Variants in AREL1 observed in about 807,000 individuals in gnomAD.
AREL1 encodes the protein apoptosis-resistant E3 ubiquitin protein ligase 1.
Under a neutral mutation model 99.0 loss-of-function variants are expected in AREL1, and 62 were observed. That is an observed-to-expected ratio of 0.63 (90% CI 0.51 to 0.77). The LOEUF is 0.77. AREL1 is among the 30% of genes least tolerant of loss of function. AREL1 has a pLI of 0.00. For synonymous variants in AREL1, 380 were observed against 376.5 expected, an observed-to-expected ratio of 1.01 and a Z score of -0.11; for missense variants, 879 against 1,027.6, an observed-to-expected ratio of 0.86 and a Z score of 1.98.
At chr14:74,694,990 GAAAAAAAA>G (rs548884827) in intron 1 of AREL1, among the ~76,000 whole-genome samples, 1 of 82,838 alleles carries the variant, frequency 1.2e-5, no homozygotes. Context: ...CTCTGTCTCG[GAAAAAAAA>G]AAAAAAAAAA....
At chr14:74,696,176 T>G (rs2089975861) in intron 1 of AREL1, among the ~76,000 whole-genome samples, 2 of 152,152 alleles carry the variant, frequency 1.3e-5, no homozygotes, top group East Asian at 3.8e-4. Flanking sequence ...CAATTCCAGG[T>G]GTAGAGGTCT....
In AREL1 at chr14:74,662,947, C is replaced by G; in HGVS notation, c.*773G>C. ...CAGTAGTCTCCAAGCCAGCCATATG[C>G]CTAGGCATGCCCCACTCTGGAGGCT... On this transcript the variant is annotated 3_prime_UTR_variant, in exon 20 of 20. Coordinates refer to ENST00000356357, the MANE Select transcript of AREL1 (RefSeq NM_001039479.2). The G allele has an allele frequency of 3.9e-6, 1 of 253,240 alleles. No individual in the cohort carries two copies. The highest frequency in any genetic ancestry group is 7.5e-6 in the Non-Finnish European group (1 of 133,626). 15.7% of individuals were successfully genotyped at this position (253,240 alleles called of 1,614,324 possible).
chr14:74,705,219 A>T (rs1424398956), intron 1 of AREL1, among the ~76,000 whole-genome samples: 1 of 152,092 alleles, frequency 6.6e-6, no homozygotes, highest in East Asian at 1.9e-4. Context: ...TTGTATTTTT[A>T]GTAGAGACGG....
At chr14:74,707,178 G>T (rs894037429) in intron 1 of AREL1, among the ~76,000 whole-genome samples, 1 of 151,164 alleles carries the variant, frequency 6.6e-6, no homozygotes, top group South Asian at 2.1e-4. Context: ...GACCAGCCTG[G>T]CCAACATGGT....
intron 11 of AREL1, 89 bp downstream of exon 11, chr14:74,672,742 A>G: frequency 2.6e-6 from 4 of 1,550,570 alleles, no homozygotes; most frequent in Non-Finnish European, 3.5e-6. Context: ...CTCCCAAACA[A>G]AAACAAAAAC....
At position 74,663,266 on chromosome 14, in the gene AREL1, C is replaced by G. The variant is rs1481433641; in HGVS notation, c.*454G>C. 4.4e-6 allele frequency: 1 copy of G among 226,796 alleles called. No individual in the cohort carries two copies. The highest frequency in any genetic ancestry group is 9.0e-6 in the Non-Finnish European group (1 of 111,620). The allele number at this position is 226,796 out of a possible 1,614,324, so 14.0% of individuals were successfully genotyped here. A position where few individuals can be genotyped will look rare whatever the true frequency, so the allele number is the denominator to read the frequency against. On this transcript the variant is annotated 3_prime_UTR_variant, in exon 20 of 20. Coordinates refer to ENST00000356357, the MANE Select transcript of AREL1 (RefSeq NM_001039479.2). ...TCCTGATGAGAAGAGGCAATCACCC[C>G]ACCCATGAGAAGGACTCAAGTACCA...
intron 17 of AREL1, among the ~76,000 whole-genome samples, chr14:74,665,412 C>T (rs189079961): frequency 6.3e-4 from 96 of 152,014 alleles, no homozygotes; most frequent in African/African-American, 2.2e-3. Flanking sequence ...CTGATGAACA[C>T]CCTAAGAACT....
rs115688018 is a variant in AREL1, at chr14:74,706,854, G to A, written c.-334+6079C>T. On this transcript the variant is annotated intron_variant, in intron 1 of 19. Coordinates refer to ENST00000356357, the MANE Select transcript of AREL1 (RefSeq NM_001039479.2). ...ATACCTTAATCAAGATCAGCTCTTA[G>A]CTTCTCAGGAAAGTTCACATCACCC... Among the ~76,000 whole-genome samples the A allele has an allele frequency of 2.1e-3, 326 of 152,260 alleles. 2 individuals are homozygous for A. Among genetic ancestry groups the A allele is most frequent in the African/African-American group, 7.3e-3 (302 of 41,560 alleles).
intron 1 of AREL1, among the ~76,000 whole-genome samples, chr14:74,704,045 C>T (rs1317741309): frequency 6.6e-6 from 1 of 152,164 alleles, no homozygotes; most frequent in Non-Finnish European, 1.5e-5. Context: ...TGGTATCTCA[C>T]TGTGATTTTA....
Position 74,676,273 on chromosome 14 carries a change from C to T in AREL1, c.700G>A (p.Val234Ile), listed in dbSNP as rs1409978745. 1.2e-6 allele frequency: 2 copies of T among 1,614,034 alleles called. No individual in the cohort carries two copies. Among genetic ancestry groups the T allele is most frequent in the Admixed American group, 1.7e-5 (1 of 60,000 alleles). ...ESTGVSFEKS[V>I]TSNRQTFQVF... ...TGGAAAGTCTGCCTGTTGGATGTTA[C>T]TGATTTCTCAAATGAGACACCAGTA... Residue 234 changes from valine to isoleucine, a missense_variant, in exon 7 of 20, where the codon GTA becomes ATA. Physicochemically the swap from Val to Ile is conservative, Grantham distance 29 (BLOSUM62 3). Transcript: ENST00000356357.
intron 4 of AREL1, 66 bp downstream of exon 4, chr14:74,684,388 C>T: frequency 1.4e-6 from 2 of 1,436,774 alleles, no homozygotes; most frequent in South Asian, 2.3e-5. Flanking sequence ...CAGGCCAGCA[C>T]CTGGGCTCTG....
chr14:74,709,981 T>C (rs896300313), intron 1 of AREL1, among the ~76,000 whole-genome samples: 8 of 152,240 alleles, frequency 5.3e-5, no homozygotes, highest in Admixed American at 1.3e-4. Flanking sequence ...TGATTTTTTC[T>C]CTTCAAGACT....
intron 15 of AREL1, among the ~76,000 whole-genome samples, chr14:74,669,014 A>G (rs2089270206): frequency 6.6e-6 from 1 of 151,680 alleles, no homozygotes; most frequent in Non-Finnish European, 1.5e-5. Context: ...TTCCTCCCAC[A>G]CTACCCCAGT....
intron 5 of AREL1, chr14:74,678,111 T>C (rs533568282): frequency 2.4e-6 from 1 of 423,212 alleles, no homozygotes; most frequent in South Asian, 1.7e-5. Context: ...AAAATTTAAA[T>C]GGAAAGGCAA....
At chr14:74,701,746 G>A (rs1266216168) in intron 1 of AREL1, 2 of 152,152 alleles carry the variant, frequency 1.3e-5, no homozygotes, top group Non-Finnish European at 2.9e-5. Flanking sequence ...TATCATCTGA[G>A]ACAAGGCAAG....
At chr14:74,683,188 C>T (rs952941502) in intron 5 of AREL1, 108 bp downstream of exon 5, 1 of 766,042 alleles carries the variant, frequency 1.3e-6, no homozygotes, top group Non-Finnish European at 2.1e-6. Context: ...AATTTTATGG[C>T]ATGGGAATTA....
rs564199021 is a variant in AREL1, at chr14:74,672,775, T to C, written c.1422+56A>G. The stretch of plus-strand genomic sequence containing the variant: ...AACAAAAACAGTAACCTGCAGAATA[T>C]AGACATTCAATTGGAAAACTTTGGT... On this transcript the variant is annotated intron_variant, in intron 11 of 19. Coordinates refer to ENST00000356357, the MANE Select transcript of AREL1 (RefSeq NM_001039479.2). 4.7e-5 allele frequency: 75 copies of C among 1,610,340 alleles called. No homozygotes were observed. The Middle Eastern group carries it at 6.6e-4, about 14-fold the overall frequency.
At chr14:74,675,220 C>T (rs1223592716) in intron 8 of AREL1, among the ~76,000 whole-genome samples, 1 of 152,142 alleles carries the variant, frequency 6.6e-6, no homozygotes, top group Admixed American at 6.5e-5. Context: ...AAGAATGGTA[C>T]ACAGCAAAGT....
intron 14 of AREL1, 34 bp downstream of exon 14, chr14:74,669,913 G>T: frequency 1.3e-6 from 2 of 1,584,670 alleles, no homozygotes; most frequent in Non-Finnish European, 1.7e-6. Flanking sequence ...AATGGCCAGG[G>T]GCCTTAGTAG....
Sources: allele counts gnomAD v4.1 joint callset (sites outside exome capture counted in the v4.1 genomes callset), GRCh38; gene constraint gnomAD v4.1.1; transcripts MANE v1.5; gene names NCBI Gene and HGNC (gene_info 2026-07-23, HGNC 2026-07-21).